The following DOCK3 variants were observed in gnomAD, a reference collection of about 807,000 sequenced individuals.
DOCK3 encodes dedicator of cytokinesis 3.
DOCK3 carries 60 observed loss-of-function variants against 265.6 expected under a neutral mutation model. The ratio of observed to expected loss-of-function variants is 0.23; its 90% CI spans 0.18 to 0.28. The LOEUF is 0.28. DOCK3 is among the 10% of genes least tolerant of loss of function. The probability of loss-of-function intolerance (pLI) is 1.00; values close to 1 mark genes in which losing one functional copy is unlikely to be tolerated. For missense variants in DOCK3, 1,981 were observed against 2,594.3 expected, an observed-to-expected ratio of 0.76 and a Z score of 5.14; for synonymous variants, 881 against 938.0, an observed-to-expected ratio of 0.94 and a Z score of 1.11.
At chr3:50,688,291 AG>A (rs1363022686) in intron 1 of DOCK3, among the ~76,000 whole-genome samples, 1 of 152,116 alleles carries the variant, frequency 6.6e-6, no homozygotes, top group Non-Finnish European at 1.5e-5. Context: ...AAAACTCCAA[AG>A]GCTTGTCTTT....
At chr3:50,854,020 G>A (rs1176470158) in intron 3 of DOCK3, among the ~76,000 whole-genome samples, 1 of 151,938 alleles carries the variant, frequency 6.6e-6, no homozygotes, top group African/African-American at 2.4e-5. Flanking sequence ...CTGGTATGAG[G>A]TGGTATCTCT....
intron 5 of DOCK3, among the ~76,000 whole-genome samples, chr3:50,947,133 A>C (rs1462471350): frequency 6.6e-6 from 1 of 152,096 alleles, no homozygotes; most frequent in Non-Finnish European, 1.5e-5. Context: ...TGATATAGTG[A>C]GCTTACCTTC....
intron 7 of DOCK3, among the ~76,000 whole-genome samples, chr3:51,085,746 G>A (rs1224044881): frequency 6.6e-6 from 1 of 151,934 alleles, no homozygotes; most frequent in African/African-American, 2.4e-5. Context: ...CAACCTAATG[G>A]TGTGCCTTAA....
intron 5 of DOCK3, among the ~76,000 whole-genome samples, chr3:50,937,918 A>C (rs1263898358): frequency 6.6e-6 from 1 of 152,166 alleles, no homozygotes; most frequent in Non-Finnish European, 1.5e-5. Context: ...GAGTGATTAC[A>C]AGATAGAGTT....
chr3:50,930,713 C>T (rs970816155), intron 4 of DOCK3, among the ~76,000 whole-genome samples: 1 of 152,174 alleles, frequency 6.6e-6, no homozygotes, highest in Non-Finnish European at 1.5e-5. Flanking sequence ...CTCGGGCCGG[C>T]AATTGGGAGT....
intron 9 of DOCK3, among the ~76,000 whole-genome samples, chr3:51,139,254 T>TG (rs72144249): frequency 0.081 from 11,768 of 146,134 alleles, 522 homozygotes; most frequent in African/African-American, 0.1. Flanking sequence ...TCAACTGCAG[T>TG]GGGGGGAGGG....
At chr3:51,017,398 A>G (rs1309823443) in intron 5 of DOCK3, among the ~76,000 whole-genome samples, 1 of 151,194 alleles carries the variant, frequency 6.6e-6, no homozygotes, top group Non-Finnish European at 1.5e-5. Context: ...TTCACTGGCT[A>G]ACTTTGAGTT....
At chr3:51,325,473 A>G (rs2084039529) in intron 32 of DOCK3, among the ~76,000 whole-genome samples, 1 of 152,214 alleles carries the variant, frequency 6.6e-6, no homozygotes, top group Admixed American at 6.5e-5. Flanking sequence ...GGGAGTGTAA[A>G]TTACTTCAAC....
chr3:50,795,386 CTTTTTT>C (rs1559647637), intron 2 of DOCK3, among the ~76,000 whole-genome samples: 1 of 151,962 alleles, frequency 6.6e-6, no homozygotes, highest in East Asian at 1.9e-4. Context: ...GATTTTGTCT[CTTTTTT>C]ATTTTTTTGA....
intron 5 of DOCK3, among the ~76,000 whole-genome samples, chr3:50,966,745 T>C (rs1037835704): frequency 6.6e-6 from 1 of 152,128 alleles, no homozygotes; most frequent in Non-Finnish European, 1.5e-5. Context: ...TTATGCTGAT[T>C]GGGTGTCTGC....
In DOCK3 at chr3:51,381,153, T is replaced by G; in HGVS notation, c.5687T>G (p.Leu1896Trp). The G allele has an allele frequency of 1.9e-6, 3 of 1,613,850 alleles. No individual in the cohort carries two copies. The highest frequency in any genetic ancestry group is 2.5e-6 in the Non-Finnish European group (3 of 1,179,850). Reference protein sequence around the residue: ...SGSASSGVSSLSESNFGHSSE... With the variant: ...SGSASSGVSSWSESNFGHSSE... ...AGTGCCAGCAGCGGCGTGTCCTCCT[T>G]GAGTGAGAGTAACTTTGGGCACTCC... The change falls in exon 53 of 53, where the codon TTG becomes TGG. Residue 1896 changes from leucine to tryptophan, a missense_variant. Physicochemically the swap from Leu to Trp is moderately conservative, Grantham distance 61. Transcript: ENST00000266037. This position sits in a 1 kb window ranked among gnomAD's most constrained non-coding sequence, Gnocchi z 5.6.
chr3:50,794,230 T>C (rs1350129211), intron 2 of DOCK3, among the ~76,000 whole-genome samples: 1 of 152,222 alleles, frequency 6.6e-6, no homozygotes, highest in African/African-American at 2.4e-5. Context: ...TGGAGAGTTC[T>C]GTAAATTTCT....
intron 5 of DOCK3, among the ~76,000 whole-genome samples, chr3:50,999,929 C>G (rs527824239): frequency 6.6e-6 from 1 of 152,128 alleles, no homozygotes; most frequent in Non-Finnish European, 1.5e-5. Context: ...TAAAACGACA[C>G]CCAAGAAAAG....
At chr3:50,876,226 A>T (rs955380259) in intron 3 of DOCK3, among the ~76,000 whole-genome samples, 2 of 152,100 alleles carry the variant, frequency 1.3e-5, no homozygotes, top group Admixed American at 6.5e-5. Flanking sequence ...TATTCAACTC[A>T]AGCTTTATCT....
rs557918539 is a variant in DOCK3 at position 50,884,793 on chromosome 3, A to G, written c.163-5233A>G. On this transcript the variant is annotated intron_variant, in intron 3 of 52. Transcript: ENST00000266037. ...TTTCCAAAAACATTGTGCAGAAAGT[A>G]CAGGGTTTTCCTCCCCGCCCCCCAC... Among the ~76,000 whole-genome samples the G allele has an allele frequency of 8.5e-4, 129 of 152,058 alleles. 1 individual carries two copies. The highest frequency in any genetic ancestry group is 1.6e-3 in the Non-Finnish European group (110 of 68,016).
intron 27 of DOCK3, among the ~76,000 whole-genome samples, chr3:51,297,406 T>A (rs2082148940): frequency 6.6e-6 from 1 of 152,058 alleles, no homozygotes; most frequent in African/African-American, 2.4e-5. Flanking sequence ...ACCCACAGAA[T>A]GGGAGAGAAT....
At chr3:50,921,505 A>T (rs1040021612) in intron 4 of DOCK3, among the ~76,000 whole-genome samples, 2 of 152,168 alleles carry the variant, frequency 1.3e-5, no homozygotes, top group African/African-American at 4.8e-5. Flanking sequence ...ATCCTCCTTT[A>T]GCTCGAAGAA....
In DOCK3 at chr3:51,133,518, G is replaced by A. The variant is rs532058135; in HGVS notation, c.747-13031G>A. 6.7e-3 allele frequency among the ~76,000 whole-genome samples: 1,017 copies of A among 151,906 alleles called. 6 individuals are homozygous for A. The highest frequency in any genetic ancestry group is 0.023 in the African/African-American group (951 of 41,382). On this transcript the variant is annotated intron_variant, in intron 9 of 52. Coordinates refer to ENST00000266037, the MANE Select transcript of DOCK3 (RefSeq NM_004947.5). ...TCATCCTTTTTTATGGCTGCATAGT[G>A]TTCCATGGTGTATATGTGCCACATT...
intron 51 of DOCK3, among the ~76,000 whole-genome samples, chr3:51,378,240 C>T (rs771737373): frequency 1.3e-5 from 2 of 152,226 alleles, no homozygotes; most frequent in African/African-American, 4.8e-5. Context: ...GGGCAATTCT[C>T]AGAACTGAGG....
Sources: gnomAD v4.1 joint callset for allele counts (sites outside exome capture counted in the v4.1 genomes callset) on GRCh38, gnomAD v4.1.1 for gene constraint, Gnocchi (gnomAD v3.1) non-coding constraint, MANE v1.5 for transcripts, NCBI Gene and HGNC (gene_info 2026-07-23, HGNC 2026-07-21) for gene names.